NICOL1: variants seen among roughly 807,000 people sequenced by gnomAD.
The protein encoded by NICOL1 is NELL2 interacting cell ontogeny regulator 1, also known as NELL2-interacting cell ontogeny regulator 1.
At chr4:2,039,072 G>A in the NICOL1 span, among the ~76,000 whole-genome samples, 85 of 152,242 alleles carry the variant, frequency 5.6e-4, no homozygotes, top group African/African-American at 1.8e-3. Context: ...GATGGTGAGC[G>A]TTGTGCTTGT....
At chr4:2,041,563 GGATCCCCC>G in the NICOL1 span, among the ~76,000 whole-genome samples, 475 of 152,314 alleles carry the variant, frequency 3.1e-3, 10 homozygotes, top group Admixed American at 0.029. Context: ...GGGCGAGGGC[GGATCCCCC>G]GAGCCGATCC....
chr4:2,041,061 G>A, the NICOL1 span, among the ~76,000 whole-genome samples: 1 of 151,750 alleles, frequency 6.6e-6, no homozygotes, highest in Non-Finnish European at 1.5e-5. Flanking sequence ...TCCAGGTAGG[G>A]GTGCGGCTCC....
the NICOL1 span, chr4:2,042,906 G>A: frequency 8.6e-6 from 8 of 927,800 alleles, no homozygotes; most frequent in African/African-American, 5.2e-5. Context: ...GGCCCCCTGC[G>A]GGAGTGGAGT....
chr4:2,042,782 C>A, the NICOL1 span: 34 of 1,517,230 alleles, frequency 2.2e-5, no homozygotes, highest in Non-Finnish European at 3.0e-5. Context: ...TGCAGCGCGC[C>A]CTGCAGGACC....
chr4:2,042,446 C>T, the NICOL1 span: 1 of 433,312 alleles, frequency 2.3e-6, no homozygotes, highest in South Asian at 5.9e-5. Context: ...GGCGCCCGGG[C>T]CCGCGCCGAG....
chr4:2,038,261 A>G, the NICOL1 span, among the ~76,000 whole-genome samples: 68 of 69,412 alleles, frequency 9.8e-4, 2 homozygotes, highest in African/African-American at 4.2e-3. Context: ...ATATATATAT[A>G]TATATATATA....
chr4:2,036,936 T>C, the NICOL1 span, among the ~76,000 whole-genome samples: 1 of 151,904 alleles, frequency 6.6e-6, no homozygotes, highest in Non-Finnish European at 1.5e-5. Context: ...CGTTGATGGC[T>C]GATATGGTTT....
chr4:2,040,189 C>T, the NICOL1 span, among the ~76,000 whole-genome samples: 4 of 152,160 alleles, frequency 2.6e-5, no homozygotes, highest in African/African-American at 9.7e-5. Flanking sequence ...TCACTGCAAC[C>T]TCTGCCTCCT....
chr4:2,042,168 A>G, the NICOL1 span: 2 of 1,449,402 alleles, frequency 1.4e-6, no homozygotes, highest in Non-Finnish European at 1.8e-6. Context: ...GGAGTCGGGG[A>G]ACCGGAGGTG....
chr4:2,043,570 G>A, the NICOL1 span, among the ~76,000 whole-genome samples: 6 of 152,336 alleles, frequency 3.9e-5, no homozygotes, highest in African/African-American at 1.4e-4. Flanking sequence ...CATGAGGGTG[G>A]CAGGGAGTGG....
the NICOL1 span, among the ~76,000 whole-genome samples, chr4:2,040,525 C>T: frequency 1.3e-5 from 2 of 152,228 alleles, no homozygotes; most frequent in African/African-American, 2.4e-5. Flanking sequence ...CCCAGGGCTC[C>T]GCGGCCCCGG....
At chr4:2,042,837 G>C in the NICOL1 span, 1 of 1,474,892 alleles carries the variant, frequency 6.8e-7, no homozygotes, top group Non-Finnish European at 9.0e-7. Context: ...GAGCGCCCGC[G>C]GCGCGACGGT....
chr4:2,041,971 C>A, the NICOL1 span: 1 of 1,452,572 alleles, frequency 6.9e-7, no homozygotes, highest in Non-Finnish European at 9.0e-7. Context: ...GATGGGGAAC[C>A]CGGGCGGGGT....
the NICOL1 span, among the ~76,000 whole-genome samples, chr4:2,039,760 A>G: frequency 6.6e-6 from 1 of 152,148 alleles, no homozygotes; most frequent in African/African-American, 2.4e-5. Context: ...GAATCACTTG[A>G]ACCCGGGAGG....
chr4:2,040,312 G>A, the NICOL1 span, among the ~76,000 whole-genome samples: 2 of 152,228 alleles, frequency 1.3e-5, no homozygotes, highest in Non-Finnish European at 2.9e-5. Context: ...TCGCCATGTT[G>A]GCCAGGCTGG....
chr4:2,041,159 A>G, the NICOL1 span, among the ~76,000 whole-genome samples: 25,787 of 117,318 alleles, frequency 0.22, 3,833 homozygotes, highest in African/African-American at 0.39. Context: ...GTGGGGGGGG[A>G]GCGGGGGCGC....
At chr4:2,043,573 G>A in the NICOL1 span, among the ~76,000 whole-genome samples, 2 of 152,208 alleles carry the variant, frequency 1.3e-5, no homozygotes, top group Non-Finnish European at 2.9e-5. Context: ...GAGGGTGGCA[G>A]GGAGTGGGGG....
At chr4:2,043,242 T>C in the NICOL1 span, among the ~76,000 whole-genome samples, 4 of 152,246 alleles carry the variant, frequency 2.6e-5, no homozygotes, top group East Asian at 7.7e-4. Flanking sequence ...GGGGTCAGGC[T>C]GGGCAGGGTG....
At chr4:2,042,178 G>C in the NICOL1 span, 95 of 1,449,016 alleles carry the variant, frequency 6.6e-5, no homozygotes, top group Non-Finnish European at 8.2e-5. Flanking sequence ...AACCGGAGGT[G>C]GGGAGGGGGC....
Sources: allele counts gnomAD v4.1 joint callset (sites outside exome capture counted in the v4.1 genomes callset), GRCh38; gene constraint gnomAD v4.1.1; transcripts MANE v1.5; gene names NCBI Gene and HGNC (gene_info 2026-07-23, HGNC 2026-07-21).